The following TTLL12 variants were observed in gnomAD, a reference collection of about 807,000 sequenced individuals.
TTLL12 encodes the protein tubulin tyrosine ligase like 12.
In TTLL12, 77 loss-of-function variants were observed where a neutral mutation model predicts 79.6. The ratio of observed to expected loss-of-function variants is 0.97; its 90% CI spans 0.81 to 1.17. The LOEUF is 1.17. Among genes scored for constraint, TTLL12 ranks in the 50% most tolerant of loss-of-function variants. TTLL12 has a pLI of 0.00. For missense variants in TTLL12, 969 were observed against 895.9 expected (o/e 1.08, Z -1.04); for synonymous variants, 437 against 376.1 (o/e 1.16, Z -1.87).
chr22:43,176,729 C>CAAAAAAAAAA (rs869094672), intron 5 of TTLL12, among the ~76,000 whole-genome samples: 2 of 58,910 alleles, frequency 3.4e-5, no homozygotes, highest in South Asian at 7.9e-4. Context: ...GACTACATCT[C>CAAAAAAAAAA]AAAAAAAAAA....
intron 1 of TTLL12, among the ~76,000 whole-genome samples, chr22:43,183,827 G>A (rs79118661): frequency 0.051 from 7,826 of 152,334 alleles, 271 homozygotes; most frequent in Non-Finnish European, 0.072. Context: ...GCCACAAGCC[G>A]GCAAGGGGGG....
At chr22:43,178,883 G>C (rs1931980976) in intron 5 of TTLL12, among the ~76,000 whole-genome samples, 1 of 152,192 alleles carries the variant, frequency 6.6e-6, no homozygotes, top group South Asian at 2.1e-4. Flanking sequence ...AGTGGCACAC[G>C]CCCACAAAGT....
rs777111920 is a variant in TTLL12, at chr22:43,174,193, C to G, written c.1229+16G>C. 2 of 1,597,956 alleles carry G rather than the reference C, an allele frequency of 1.3e-6. No homozygotes were observed. The highest frequency in any genetic ancestry group is 2.2e-5 in the East Asian group (1 of 44,844). ...AAAGGGCCATGGAGCACACCGATGC[C>G]GTGTCTGGGACTTACCACCTTTCCC... On this transcript the variant is annotated intron_variant, in intron 8 of 13. Transcript: ENST00000216129.
intron 6 of TTLL12, among the ~76,000 whole-genome samples, chr22:43,174,904 G>T (rs1001252571): frequency 2.0e-5 from 3 of 152,258 alleles, no homozygotes; most frequent in Non-Finnish European, 4.4e-5. Context: ...CATAATTTGG[G>T]TGTTTATTAT....
chr22:43,168,737 T>G, intron 13 of TTLL12, 37 bp downstream of exon 13: 2 of 1,545,514 alleles, frequency 1.3e-6, no homozygotes, highest in Non-Finnish European at 1.7e-6. Context: ...AGGGGGCGCC[T>G]GCTGGTTTGG....
At chr22:43,172,699 G>C in intron 9 of TTLL12, 145 bp from the exon 10 acceptor site, 1 of 779,464 alleles carries the variant, frequency 1.3e-6, no homozygotes, top group Non-Finnish European at 2.0e-6. Flanking sequence ...TTGCTGCAAA[G>C]TCTTTTTTTT....
Position 43,174,514 on chromosome 22 carries a change from T to C in TTLL12, c.1019A>G (p.His340Arg), listed in dbSNP as rs369903948. ...ADADILFNFS[H>R]FKDYRKLSQE... ...GTGCCCTCACCTGTAGTCCTTGAAG[T>C]GTGAGAAGTTGAAGAGGATGTCGGC... Residue 340 changes from histidine (H) to arginine (R), a missense_variant, in exon 7 of 14, where the codon CAC becomes CGC. Transcript: ENST00000216129. 596 of 1,611,816 alleles carry C rather than the reference T, an allele frequency of 3.7e-4. No homozygotes were observed. The highest frequency in any genetic ancestry group is 9.8e-4 in the South Asian group (89 of 90,890).
rs768212577 is a variant in TTLL12 at position 43,174,379 on chromosome 22, G to A, written c.1059C>T (p.Gly353=). Residue 353 remains glycine (G), a synonymous_variant, in exon 8 of 14, where the codon GGC becomes GGT. Transcript: ENST00000216129. ...DYRKLSQERP[G]VLLNQFPCEN... ...CGCAGGGGAACTGGTTCAGCAGCAC[G>A]CCTGGCCTCTCCTGGCTGAGTTTCC... 1.8e-5 allele frequency: 28 copies of A among 1,570,858 alleles called. No homozygotes were observed. Among genetic ancestry groups the A allele is most frequent in the South Asian group, 2.3e-5 (2 of 86,098 alleles).
At position 43,183,160 on chromosome 22, in the gene TTLL12, G is replaced by C. The variant is rs1932102129; in HGVS notation, c.178-11C>G. 3.1e-6 allele frequency: 5 copies of C among 1,613,592 alleles called. No individual in the cohort carries two copies. Among genetic ancestry groups the C allele is most frequent in the Middle Eastern group, 1.7e-4 (1 of 6,060 alleles). On this transcript the variant is annotated splice_polypyrimidine_tract_variant and intron_variant, in intron 1 of 13. Coordinates refer to ENST00000216129, the MANE Select transcript of TTLL12 (RefSeq NM_015140.4). ...CCCAGCGTCGAAAACCTGGGGGCCA[G>C]AGTTCCCGTCAGCAGGGGTGTGGGC...
intron 12 of TTLL12, 96 bp downstream of exon 12, chr22:43,169,403 AG>A: frequency 9.2e-7 from 1 of 1,090,938 alleles, no homozygotes; most frequent in Non-Finnish European, 1.3e-6. Flanking sequence ...GGTCCCTCCC[AG>A]CCCATGCCAG....
At chr22:43,185,977 G>A (rs1932173286) in intron 1 of TTLL12, 1 of 985,448 alleles carries the variant, frequency 1.0e-6, no homozygotes, top group Non-Finnish European at 1.2e-6. Flanking sequence ...GTTTCCAGCA[G>A]GAAGGTTCCT....
intron 1 of TTLL12, among the ~76,000 whole-genome samples, chr22:43,183,887 C>T (rs992583140): frequency 5.3e-5 from 8 of 152,264 alleles, no homozygotes; most frequent in Admixed American, 2.6e-4. Flanking sequence ...ATCTTGGTTT[C>T]ACCACTTCCT....
chr22:43,174,390 C>G lies in TTLL12; in HGVS notation c.1048G>C (p.Glu350Gln). The G allele has an allele frequency of 6.4e-7, 1 of 1,563,826 alleles. No homozygotes were observed. The highest frequency in any genetic ancestry group is 8.7e-7 in the Non-Finnish European group (1 of 1,150,112). ...TGGTTCAGCAGCACGCCTGGCCTCT[C>G]CTGGCTGAGTTTCCTGCAGGGCGGA... ...HFKDYRKLSQ[E>Q]RPGVLLNQFP... is the part of the protein sequence containing the mutation. Residue 350 changes from glutamate to glutamine, a missense_variant, in exon 8 of 14, where the codon GAG (glutamate) becomes CAG (glutamine). Transcript: ENST00000216129.
chr22:43,166,769 G>T lies in TTLL12; in HGVS notation c.*1239C>A, dbSNP rs1931626625. On this transcript the variant is annotated 3_prime_UTR_variant, in exon 14 of 14. Coordinates refer to ENST00000216129, the MANE Select transcript of TTLL12 (RefSeq NM_015140.4). ...CATGGCTCCCCTCAGGAAGGGTAACGCGTGCTTGTAAACAAGGGCCCAGAC... is the reference window on the plus strand; with the variant it reads ...CATGGCTCCCCTCAGGAAGGGTAACTCGTGCTTGTAAACAAGGGCCCAGAC... The T allele has an allele frequency of 6.2e-6, 1 of 160,294 alleles. No individual in the cohort carries two copies. The highest frequency in any genetic ancestry group is 2.4e-5 in the African/African-American group (1 of 41,570). 9.9% of individuals were successfully genotyped at this position (160,294 alleles called of 1,614,324 possible).
In TTLL12 at chr22:43,179,028, G is replaced by A. The variant is rs150766520; in HGVS notation, c.840+591C>T. The stretch of plus-strand genomic sequence containing the variant: ...CCTGACTGGTTCTGGAGGTGGCTAC[G>A]CTCCCACAGGCTCCTCTTCCTCCCC... On this transcript the variant is annotated intron_variant, in intron 5 of 13. Transcript: ENST00000216129. Among the ~76,000 whole-genome samples the A allele has an allele frequency of 3.4e-3, 512 of 152,132 alleles. 5 individuals are homozygous for A. Among genetic ancestry groups the A allele is most frequent in the African/African-American group, 0.012 (489 of 41,512 alleles).
At chr22:43,179,161 G>A (rs551437838) in intron 5 of TTLL12, among the ~76,000 whole-genome samples, 28 of 152,308 alleles carry the variant, frequency 1.8e-4, no homozygotes, top group African/African-American at 6.7e-4. Context: ...GGCCAGCTGG[G>A]TCCCTCGGGG....
chr22:43,172,438 GAAC>G lies in TTLL12; in HGVS notation c.1455_1457del (p.Leu485del). ...ACCGCAGCCAGAACACATCATACAC[GAAC>G]AACCGTAGGGGCCTCACTGACCGCA... On this transcript the variant is annotated inframe_deletion, in exon 10 of 14. Transcript: ENST00000216129. 1 of 1,614,122 alleles carries G rather than the reference GAAC, an allele frequency of 6.2e-7. No homozygotes were observed. Among genetic ancestry groups the G allele is most frequent in the Non-Finnish European group, 8.5e-7 (1 of 1,180,032 alleles).
rs776345678 is a variant in TTLL12, at chr22:43,183,167, C to T, written c.178-18G>A. Reference sequence around the variant, plus strand: ...TCGAAAACCTGGGGGCCAGAGTTCCCGTCAGCAGGGGTGTGGGCAGGAGAC... The same window carrying T: ...TCGAAAACCTGGGGGCCAGAGTTCCTGTCAGCAGGGGTGTGGGCAGGAGAC... On this transcript the variant is annotated intron_variant, in intron 1 of 13. Coordinates refer to ENST00000216129, the MANE Select transcript of TTLL12 (RefSeq NM_015140.4). The T allele has an allele frequency of 1.5e-5, 25 of 1,613,106 alleles. No homozygotes were observed. Among genetic ancestry groups the T allele is most frequent in the Admixed American group, 8.3e-5 (5 of 59,974 alleles).
chr22:43,178,344 C>T (rs1268588052), intron 5 of TTLL12, among the ~76,000 whole-genome samples: 9 of 142,326 alleles, frequency 6.3e-5, no homozygotes, highest in South Asian at 2.3e-4. Flanking sequence ...TTTTTTGAGA[C>T]GGAGTCTCGC....
Sources: gnomAD v4.1 joint callset for allele counts (sites outside exome capture counted in the v4.1 genomes callset) on GRCh38, gnomAD v4.1.1 for gene constraint, MANE v1.5 for transcripts, NCBI Gene and HGNC (gene_info 2026-07-23, HGNC 2026-07-21) for gene names.